MPPE1: variants seen among roughly 807,000 people sequenced by gnomAD.
MPPE1 encodes the protein metallo phosphoesterase.
A neutral mutation model predicts 43.8 loss-of-function variants in MPPE1; 28 were observed. The ratio of observed to expected loss-of-function variants is 0.64; its 90% CI spans 0.47 to 0.88. The LOEUF is 0.88. MPPE1 is among the 40% of genes least tolerant of loss of function. The pLI, the probability that MPPE1 is intolerant of heterozygous loss-of-function variation, is 0.00. For synonymous variants in MPPE1, 159 were observed against 188.5 expected, an observed-to-expected ratio of 0.84 and a Z score of 1.28; for missense variants, 428 against 492.2, an observed-to-expected ratio of 0.87 and a Z score of 1.23.
chr18:11,884,638 G>A lies in MPPE1; in HGVS notation c.1009-11C>T, dbSNP rs1217241547. 1.7e-5 allele frequency: 28 copies of A among 1,612,324 alleles called. No individual in the cohort carries two copies. The highest frequency in any genetic ancestry group is 3.3e-5 in the Admixed American group (2 of 59,972). ...GGGCGTGATGCTACCCTGGAAAGGA[G>A]AAGGGAAAGTTATGCTGAGAGCACC... On this transcript the variant is annotated splice_polypyrimidine_tract_variant and intron_variant, in intron 10 of 10. Transcript: ENST00000588072.
At chr18:11,906,333 G>GT (rs1195703970) in intron 1 of MPPE1, 24 bp from the exon 2 acceptor site, 1 of 152,124 alleles carries the variant, frequency 6.6e-6, no homozygotes. Flanking sequence ...AAAAATGTGT[G>GT]TTTTGTCAGT....
At position 11,888,476 on chromosome 18, in the gene MPPE1, G is replaced by T. The variant is rs367801028; in HGVS notation, c.569+193C>A. 9.9e-5 allele frequency among the ~76,000 whole-genome samples: 15 copies of T among 152,272 alleles called. No individual in the cohort carries two copies. The South Asian group carries it at 3.1e-3, about 32-fold the overall frequency. The stretch of plus-strand genomic sequence containing the variant: ...TGGGGTTGTCAAGGAAAACCAGGGT[G>T]GTTTGAGGTTTCCCATCTATCGGCT... On this transcript the variant is annotated intron_variant, in intron 6 of 10. Transcript: ENST00000588072.
At chr18:11,904,475 C>T (rs982908734) in intron 2 of MPPE1, among the ~76,000 whole-genome samples, 28 of 152,238 alleles carry the variant, frequency 1.8e-4, no homozygotes, top group East Asian at 3.9e-4. Context: ...TGTGCCACCA[C>T]GCCCCACCAA....
intron 4 of MPPE1, chr18:11,893,081 G>C: frequency 5.9e-6 from 1 of 168,568 alleles, no homozygotes; most frequent in Non-Finnish European, 1.3e-5. Context: ...GGTTCAATAA[G>C]AGTGTGAAAT....
At chr18:11,891,378 G>T (rs1338674473) in intron 4 of MPPE1, 1 of 152,110 alleles carries the variant, frequency 6.6e-6, no homozygotes, top group Non-Finnish European at 1.5e-5. Context: ...GGAGGCTGAG[G>T]CAGGAGAATC....
chr18:11,887,357 G>A (rs914048236), intron 6 of MPPE1, among the ~76,000 whole-genome samples: 2 of 152,000 alleles, frequency 1.3e-5, no homozygotes, highest in East Asian at 3.9e-4. Flanking sequence ...TCCATGCAGG[G>A]CTAAGAACCC....
Position 11,886,432 on chromosome 18 carries a change from T to C in MPPE1, c.867+67A>G, listed in dbSNP as rs780527597. ...ACCTGCTCTAGCCTGGGCACTCTGC[T>C]TGTTGACATGCAAGGTGATGAGAGT... On this transcript the variant is annotated intron_variant, in intron 9 of 10. Coordinates refer to ENST00000588072, the MANE Select transcript of MPPE1 (RefSeq NM_023075.6). This position sits in a 1 kb window ranked among gnomAD's most constrained non-coding sequence, Gnocchi z 4.1. 4 of 1,610,432 alleles carry C rather than the reference T, an allele frequency of 2.5e-6. No individual in the cohort carries two copies. The East Asian group carries it at 6.7e-5, about 27-fold the overall frequency.
chr18:11,892,882 CA>C (rs1334345910), intron 4 of MPPE1, among the ~76,000 whole-genome samples: 3 of 152,130 alleles, frequency 2.0e-5, no homozygotes, highest in African/African-American at 7.2e-5. Context: ...AAGGTGAGAA[CA>C]GCTTTTCTCT....
At chr18:11,897,918 C>CCA (rs911764288) in intron 2 of MPPE1, among the ~76,000 whole-genome samples, 17 of 152,188 alleles carry the variant, frequency 1.1e-4, no homozygotes, top group Admixed American at 1.3e-4. Flanking sequence ...ACAGTGAAAC[C>CCA]ACCTTTGCAA....
At chr18:11,887,242 T>G (rs2144174079) in intron 6 of MPPE1, among the ~76,000 whole-genome samples, 1 of 151,896 alleles carries the variant, frequency 6.6e-6, no homozygotes, top group South Asian at 2.1e-4. Flanking sequence ...GATCGAAGGG[T>G]TTTTGACCCT....
At position 11,903,008 on chromosome 18, in the gene MPPE1, C is replaced by T. The variant is rs1170941241; in HGVS notation, c.-93+3195G>A. ...ATAAGCGACCTTACTGCAAACAAAC[C>T]GGGTTAGAGGGGAGTTCTGGCGCTT... On this transcript the variant is annotated intron_variant, in intron 2 of 10. Coordinates refer to ENST00000588072, the MANE Select transcript of MPPE1 (RefSeq NM_023075.6). Among the ~76,000 whole-genome samples the T allele has an allele frequency of 4.6e-5, 7 of 152,252 alleles. No homozygotes were observed. In the East Asian group the frequency reaches 5.8e-4, roughly 13 times the overall value.
chr18:11,885,161 C>G (rs2037001439), intron 10 of MPPE1: 1 of 780,824 alleles, frequency 1.3e-6, no homozygotes. Flanking sequence ...AGGGTTTCCT[C>G]CACCTTTTTA....
intron 2 of MPPE1, among the ~76,000 whole-genome samples, chr18:11,904,311 A>ATT (rs11426779): frequency 0.047 from 7,079 of 150,310 alleles, 569 homozygotes; most frequent in African/African-American, 0.17. Flanking sequence ...AATCTTTTTT[A>ATT]TTTATTTATT....
intron 5 of MPPE1, 89 bp downstream of exon 5, chr18:11,889,298 A>G (rs1282017520): frequency 4.8e-6 from 4 of 825,842 alleles, no homozygotes; most frequent in Non-Finnish European, 7.6e-6. Context: ...TCAAGACAGC[A>G]CAAATAGGGC....
intron 3 of MPPE1, 129 bp from the exon 4 acceptor site, chr18:11,893,705 T>C: frequency 1.4e-6 from 1 of 703,480 alleles, no homozygotes; most frequent in Non-Finnish European, 2.4e-6. Flanking sequence ...CACTCTTGCA[T>C]TCCCATCCCT....
chr18:11,908,149 G>C (rs899188691), intron 1 of MPPE1, 52 bp downstream of exon 1: 1 of 152,186 alleles, frequency 6.6e-6, no homozygotes, highest in Non-Finnish European at 1.5e-5. Context: ...CACGGAAGGA[G>C]GTTCCGTTTT....
intron 3 of MPPE1, among the ~76,000 whole-genome samples, chr18:11,895,947 C>T (rs1265801656): frequency 6.6e-6 from 1 of 152,062 alleles, no homozygotes; most frequent in African/African-American, 2.4e-5. Flanking sequence ...CAGAAGGCTA[C>T]TTGGCGAGAC....
chr18:11,886,955 G>A lies in MPPE1; in HGVS notation c.640C>T (p.Leu214Phe). The change falls in exon 7 of 11, where the codon CTC (leucine) becomes TTC (phenylalanine). Residue 214 changes from leucine to phenylalanine, a missense_variant. By Grantham distance (22) the Leu-to-Phe change is conservative (BLOSUM62 0). Around this residue, in one of 3 missense-constraint regions of MPPE1, gnomAD observed 379 missense variants for 402.5 expected, o/e 0.94. Coordinates refer to ENST00000588072, the MANE Select transcript of MPPE1 (RefSeq NM_023075.6). The surrounding 1 kb of genome is among the most constrained non-coding windows in gnomAD (Gnocchi z 4.1). The part of the protein sequence containing the change: ...CGICSETEAE[L>F]IEVSHRLNCS... Reference sequence around the variant, plus strand: ...TTCAGTCTGTGAGAAACTTCAATGAGCTCTGCTTCTGTTTCAGAGCAGATG... The same window carrying A: ...TTCAGTCTGTGAGAAACTTCAATGAACTCTGCTTCTGTTTCAGAGCAGATG... 1 of 1,613,704 alleles carries A rather than the reference G, an allele frequency of 6.2e-7. No homozygotes were observed. Among genetic ancestry groups the A allele is most frequent in the Non-Finnish European group, 8.5e-7 (1 of 1,179,802 alleles).
At chr18:11,900,773 G>A (rs2039093215) in intron 2 of MPPE1, among the ~76,000 whole-genome samples, 2 of 152,098 alleles carry the variant, frequency 1.3e-5, no homozygotes, top group South Asian at 2.1e-4. Flanking sequence ...CAGGCGTGGT[G>A]GCAGACGCCT....
Sources: allele counts gnomAD v4.1 joint callset (sites outside exome capture counted in the v4.1 genomes callset), GRCh38; gene constraint gnomAD v4.1.1; regional missense constraint gnomAD v4.1.1; non-coding constraint Gnocchi (gnomAD v3.1); transcripts MANE v1.5; gene names NCBI Gene and HGNC (gene_info 2026-07-23, HGNC 2026-07-21).